Variants in PCDHGA5 observed in about 807,000 individuals in gnomAD.
The protein encoded by PCDHGA5 is protocadherin gamma subfamily A, 5, also known as protocadherin gamma-A5.
Under a neutral mutation model 56.7 loss-of-function variants are expected in PCDHGA5, and 36 were observed. The observed-to-expected ratio is 0.64, with a 90% CI of 0.49 to 0.84. The LOEUF is 0.84. Ranked by LOEUF, PCDHGA5 falls within the 40% of genes least tolerant of loss-of-function variation. The probability of loss-of-function intolerance (pLI) is 0.00; values close to 1 mark genes in which losing one functional copy is unlikely to be tolerated. For synonymous variants in PCDHGA5, 563 were observed against 520.2 expected (o/e 1.08, Z -1.12); for missense variants, 1,305 against 1,201.5 (o/e 1.09, Z -1.27).
Position 141,366,628 on chromosome 5 carries a change from T to A in PCDHGA5, c.2298T>A (p.Ser766Arg). The A allele has an allele frequency of 6.2e-7, 1 of 1,614,132 alleles. No individual in the cohort carries two copies. Among genetic ancestry groups the A allele is most frequent in the Admixed American group, 1.7e-5 (1 of 60,020 alleles). The change falls in exon 1 of 4, where the codon AGT (serine) becomes AGA (arginine). Residue 766 changes from serine (S) to arginine (R), a missense_variant. Physicochemically the swap from Ser to Arg is moderately radical, Grantham distance 110. Transcript: ENST00000518069. ...CCCTCACCGCGGACTCGAGGAAGAGTCACCTGATCTTTCCCCAGCCCAACT... is the reference window on the plus strand; with the variant it reads ...CCCTCACCGCGGACTCGAGGAAGAGACACCTGATCTTTCCCCAGCCCAACT... ...EVSLTADSRK[S>R]HLIFPQPNYA...
At chr5:141,434,364 A>G (rs1023051594) in intron 1 of PCDHGA5, among the ~76,000 whole-genome samples, 1 of 152,208 alleles carries the variant, frequency 6.6e-6, no homozygotes, top group Non-Finnish European at 1.5e-5. Context: ...AAATCTGGCC[A>G]TAAACTGGCC....
At chr5:141,481,718 C>T (rs942120251) in intron 1 of PCDHGA5, among the ~76,000 whole-genome samples, 6 of 152,082 alleles carry the variant, frequency 3.9e-5, no homozygotes, top group East Asian at 1.9e-4. Context: ...CTTTGGGAGG[C>T]GGAGGCGGGC....
chr5:141,421,931 A>T, intron 1 of PCDHGA5: 1 of 1,613,556 alleles, frequency 6.2e-7, no homozygotes, highest in East Asian at 2.2e-5. Context: ...GTGGTCCTCG[A>T]TGTAAATGAT....
At chr5:141,414,279 A>C in intron 1 of PCDHGA5, 1 of 1,613,350 alleles carries the variant, frequency 6.2e-7, no homozygotes, top group Non-Finnish European at 8.5e-7. Flanking sequence ...CTCTGGGAAC[A>C]GTCGTAGCCC....
chr5:141,493,179 T>C lies in PCDHGA5; in HGVS notation c.2422-1628T>C, dbSNP rs1208502829. 6.6e-6 allele frequency among the ~76,000 whole-genome samples: 1 copy of C among 152,230 alleles called. No homozygotes were observed. Among genetic ancestry groups the C allele is most frequent in the Non-Finnish European group, 1.5e-5 (1 of 68,040 alleles). On this transcript the variant is annotated intron_variant, in intron 1 of 3. Coordinates refer to ENST00000518069, the MANE Select transcript of PCDHGA5 (RefSeq NM_018918.3). This position sits in a 1 kb window ranked among gnomAD's most constrained non-coding sequence, Gnocchi z 4.3. ...TGATAGCTGATTGAGAGAAACTTAC[T>C]ATATAACTCCTTTGAGAACCTCATC...
Position 141,374,382 on chromosome 5 carries a change from C to T in PCDHGA5, c.2421+7631C>T, listed in dbSNP as rs975173370. On this transcript the variant is annotated intron_variant, in intron 1 of 3. Coordinates refer to ENST00000518069, the MANE Select transcript of PCDHGA5 (RefSeq NM_018918.3). ...CGCGAGGAGCTCTGTGCTCAGAGCC[C>T]GCGGTGTCTGGTGAGTTTTAACATC... is the stretch of plus-strand genomic sequence containing the variant. 3.7e-6 allele frequency: 6 copies of T among 1,613,888 alleles called. No individual in the cohort carries two copies. The African/African-American group carries it at 6.7e-5, about 18-fold the overall frequency.
At chr5:141,419,668 G>A (rs752237614) in intron 1 of PCDHGA5, 1 of 1,612,892 alleles carries the variant, frequency 6.2e-7, no homozygotes, top group East Asian at 2.2e-5. Context: ...ACAATGCCTG[G>A]CTGTCCTACC....
rs866710706 is a variant in PCDHGA5, at chr5:141,485,167, G to A, written c.2422-9640G>A. On this transcript the variant is annotated intron_variant, in intron 1 of 3. Transcript: ENST00000518069. The surrounding 1 kb of genome is among the most constrained non-coding windows in gnomAD (Gnocchi z 5.7). ...AGGAGCAAGTAGAGAATTAGCGGGC[G>A]GCAGCAATGCTCCGCAAGGTGAGAA... The A allele has an allele frequency of 6.2e-7, 1 of 1,608,386 alleles. No homozygotes were observed.
Position 141,491,329 on chromosome 5 carries a change from G to A in PCDHGA5, c.2422-3478G>A. The A allele has an allele frequency of 6.2e-7, 1 of 1,614,142 alleles. No individual in the cohort carries two copies. Among genetic ancestry groups the A allele is most frequent in the Non-Finnish European group, 8.5e-7 (1 of 1,180,022 alleles). On this transcript the variant is annotated intron_variant, in intron 1 of 3. Coordinates refer to ENST00000518069, the MANE Select transcript of PCDHGA5 (RefSeq NM_018918.3). The surrounding 1 kb of genome is among the most constrained non-coding windows in gnomAD (Gnocchi z 6.9). ...AGACCTTACCCTTTACCTCATTGTG[G>A]CTCTAGCGACCGTCAGTCTCTTATC...
At chr5:141,478,165 C>G (rs780594020) in intron 1 of PCDHGA5, 13 of 1,613,920 alleles carry the variant, frequency 8.1e-6, no homozygotes, top group African/African-American at 1.3e-5. Flanking sequence ...GCTCTGCCCC[C>G]CGGGAGCAGA....
chr5:141,477,007 A>C lies in PCDHGA5; in HGVS notation c.2422-17800A>C, dbSNP rs891158982. The C allele has an allele frequency of 1.9e-6, 3 of 1,614,258 alleles. No individual in the cohort carries two copies. The Admixed American group carries it at 5.0e-5, about 27-fold the overall frequency. ...CCGGCGTGCGGCAACTATTCGCCTT[A>C]GACCTTGTAACCGGGATGCTGACAA... On this transcript the variant is annotated intron_variant, in intron 1 of 3. Coordinates refer to ENST00000518069, the MANE Select transcript of PCDHGA5 (RefSeq NM_018918.3). This position sits in a 1 kb window ranked among gnomAD's most constrained non-coding sequence, Gnocchi z 4.9.
intron 1 of PCDHGA5, chr5:141,382,739 G>C (rs1005950630): frequency 5.2e-6 from 3 of 573,658 alleles, no homozygotes; most frequent in Non-Finnish European, 5.9e-6. Context: ...ACAGAGAAAC[G>C]ACAGATTGCG....
chr5:141,388,415 T>C, intron 1 of PCDHGA5: 2 of 1,613,894 alleles, frequency 1.2e-6, no homozygotes, highest in Non-Finnish European at 1.7e-6. Flanking sequence ...CCAGTGATCA[T>C]TTCTCACTGA....
At position 141,414,787 on chromosome 5, in the gene PCDHGA5, G is replaced by C. The variant is rs372484037; in HGVS notation, c.2421+48036G>C. ...TCATGAGCTACAGATGCAGGTGACA[G>C]CCAGCGACAGCGGGGATCCTCCACT... On this transcript the variant is annotated intron_variant, in intron 1 of 3. Coordinates refer to ENST00000518069, the MANE Select transcript of PCDHGA5 (RefSeq NM_018918.3). 12 of 1,614,230 alleles carry C rather than the reference G, an allele frequency of 7.4e-6. No homozygotes were observed. The highest frequency in any genetic ancestry group is 2.2e-5 in the East Asian group (1 of 44,874).
rs772264177 is a variant in PCDHGA5 at position 141,376,458 on chromosome 5, T to C, written c.2421+9707T>C. On this transcript the variant is annotated intron_variant, in intron 1 of 3. Coordinates refer to ENST00000518069, the MANE Select transcript of PCDHGA5 (RefSeq NM_018918.3). Reference sequence around the variant, plus strand: ...AGCTATGAGAAAAGCGAGCCTCTTCTGATAACTCAGGATTTACTTGAAACG... The same window carrying C: ...AGCTATGAGAAAAGCGAGCCTCTTCCGATAACTCAGGATTTACTTGAAACG... 14 of 1,614,106 alleles carry C rather than the reference T, an allele frequency of 8.7e-6. No individual in the cohort carries two copies. In the African/African-American group the frequency reaches 1.5e-4, roughly 17 times the overall value.
At position 141,477,866 on chromosome 5, in the gene PCDHGA5, A is replaced by G; in HGVS notation, c.2422-16941A>G. ...CTCGGTGGAGATGCTGCCTCGAGGT[A>G]CCTCAGCTGGCCACCTAGTGTCACG... On this transcript the variant is annotated intron_variant, in intron 1 of 3. Coordinates refer to ENST00000518069, the MANE Select transcript of PCDHGA5 (RefSeq NM_018918.3). This position sits in a 1 kb window ranked among gnomAD's most constrained non-coding sequence, Gnocchi z 4.9. 1 of 1,614,072 alleles carries G rather than the reference A, an allele frequency of 6.2e-7. No homozygotes were observed. Among genetic ancestry groups the G allele is most frequent in the Non-Finnish European group, 8.5e-7 (1 of 1,179,988 alleles).
intron 1 of PCDHGA5, chr5:141,409,887 TGCTGTAC>T: frequency 6.2e-7 from 1 of 1,613,062 alleles, no homozygotes; most frequent in Non-Finnish European, 8.5e-7. Flanking sequence ...GCACCGCGGG[TGCTGTAC>T]CCAGCTCTGG....
At chr5:141,470,132 A>G (rs1411735203) in intron 1 of PCDHGA5, among the ~76,000 whole-genome samples, 1 of 151,586 alleles carries the variant, frequency 6.6e-6, no homozygotes, top group East Asian at 1.9e-4. Context: ...TCGTCTCAAA[A>G]AAAAAGATCA....
At chr5:141,401,102 G>C (rs1372226488) in intron 1 of PCDHGA5, among the ~76,000 whole-genome samples, 3 of 152,150 alleles carry the variant, frequency 2.0e-5, no homozygotes, top group Non-Finnish European at 4.4e-5. Context: ...CCAGCACTTT[G>C]GGAGGCCGAG....
Sources: gnomAD v4.1 joint callset for allele counts (sites outside exome capture counted in the v4.1 genomes callset) on GRCh38, gnomAD v4.1.1 for gene constraint, Gnocchi (gnomAD v3.1) non-coding constraint, MANE v1.5 for transcripts, NCBI Gene and HGNC (gene_info 2026-07-23, HGNC 2026-07-21) for gene names.